MAP2K6: variants seen among roughly 807,000 people sequenced by gnomAD.
MAP2K6 encodes mitogen-activated protein kinase kinase 6.
Under a neutral mutation model 53.7 loss-of-function variants are expected in MAP2K6, and 16 were observed. The observed-to-expected ratio is 0.30, with a 90% confidence interval of 0.20 to 0.45. MAP2K6 has a LOEUF of 0.45. Among genes scored for constraint, MAP2K6 ranks in the 20% least tolerant of loss-of-function variants. The probability of loss-of-function intolerance (pLI) is 1.00; values close to 1 mark genes in which losing one functional copy is unlikely to be tolerated. For missense variants in MAP2K6, 204 were observed against 411.9 expected (o/e 0.50, Z 4.37); for synonymous variants, 132 against 143.1 (o/e 0.92, Z 0.55).
chr17:69,516,845 TC>T lies in MAP2K6; in HGVS notation c.84-9del. The T allele has an allele frequency of 6.3e-7, 1 of 1,584,020 alleles. No homozygotes were observed. The highest frequency in any genetic ancestry group is 8.7e-7 in the Non-Finnish European group (1 of 1,155,012). On this transcript the variant is annotated splice_polypyrimidine_tract_variant and intron_variant, in intron 2 of 11. Coordinates refer to ENST00000590474, the MANE Select transcript of MAP2K6 (RefSeq NM_002758.4). ...CTTATGTTTCTTCTTTTCCCCCTTA[TC>T]TTTCTTAGACCACCTCGAGATTTAG... is the stretch of plus-strand genomic sequence containing the variant.
chr17:69,474,450 C>T (rs145235644), intron 1 of MAP2K6, among the ~76,000 whole-genome samples: 313 of 152,312 alleles, frequency 2.1e-3, no homozygotes, highest in Middle Eastern at 0.02. Context: ...GTAAAATCTT[C>T]TAGATTCCAT....
chr17:69,535,922 C>A, intron 10 of MAP2K6, 193 bp from the exon 11 acceptor site: 2 of 519,492 alleles, frequency 3.8e-6, no homozygotes, highest in South Asian at 4.2e-5. Flanking sequence ...CTATTTTTCC[C>A]ATTAAGGCAC....
chr17:69,429,883 AAG>A, intron 1 of MAP2K6, among the ~76,000 whole-genome samples: 1 of 152,156 alleles, frequency 6.6e-6, no homozygotes, highest in East Asian at 1.9e-4. Flanking sequence ...CAGGAAGGTG[AAG>A]CTGGGGTGTG....
At position 69,464,596 on chromosome 17, in the gene MAP2K6, G is replaced by T. The variant is rs181540300; in HGVS notation, c.17-41184G>T. On this transcript the variant is annotated intron_variant, in intron 1 of 11. Coordinates refer to ENST00000590474, the MANE Select transcript of MAP2K6 (RefSeq NM_002758.4). ...GAGGTTTCACTATGTTGCCCAAGCT[G>T]GTCTCAAACTCCTGACCTCAAGTGA... 1.1e-4 allele frequency among the ~76,000 whole-genome samples: 17 copies of T among 152,200 alleles called. No individual in the cohort carries two copies. In the East Asian group the frequency reaches 3.3e-3, roughly 29 times the overall value.
At chr17:69,524,847 A>C (rs1331871732) in intron 8 of MAP2K6, 54 bp from the exon 9 acceptor site, 12 of 1,376,086 alleles carry the variant, frequency 8.7e-6, no homozygotes, top group South Asian at 8.2e-5. Context: ...TATTGAGCTA[A>C]GAACGTTATC....
chr17:69,457,333 T>C (rs7213686), intron 1 of MAP2K6, among the ~76,000 whole-genome samples: 36,220 of 152,206 alleles, frequency 0.24, 4,489 homozygotes, highest in Middle Eastern at 0.29. Flanking sequence ...GTTTATCCCC[T>C]AGGTTGAGTG....
At chr17:69,480,242 C>G (rs562506007) in intron 1 of MAP2K6, among the ~76,000 whole-genome samples, 1 of 152,268 alleles carries the variant, frequency 6.6e-6, no homozygotes, top group East Asian at 1.9e-4. Flanking sequence ...CTTTAACTTT[C>G]GTTCCCCAGC....
intron 1 of MAP2K6, among the ~76,000 whole-genome samples, chr17:69,456,778 T>C (rs1197831548): frequency 1.3e-5 from 2 of 152,178 alleles, no homozygotes; most frequent in African/African-American, 2.4e-5. Context: ...ATGAGTACTC[T>C]TACCCCACCT....
At chr17:69,531,968 C>T (rs903317247) in intron 10 of MAP2K6, among the ~76,000 whole-genome samples, 2 of 152,186 alleles carry the variant, frequency 1.3e-5, no homozygotes, top group African/African-American at 4.8e-5. Context: ...TCATTATAAA[C>T]TCTTCCTATA....
intron 2 of MAP2K6, among the ~76,000 whole-genome samples, chr17:69,512,131 C>A (rs908511652): frequency 1.3e-5 from 2 of 151,772 alleles, no homozygotes; most frequent in African/African-American, 2.4e-5. Context: ...CACAGCTTCT[C>A]GGTGGAAGAA....
chr17:69,467,677 G>A (rs117350049), intron 1 of MAP2K6, among the ~76,000 whole-genome samples: 1 of 152,248 alleles, frequency 6.6e-6, no homozygotes, highest in East Asian at 1.9e-4. Flanking sequence ...ACATATCTAT[G>A]TATAACAGTA....
intron 11 of MAP2K6, among the ~76,000 whole-genome samples, chr17:69,537,634 C>T (rs1911421214): frequency 6.6e-6 from 1 of 152,218 alleles, no homozygotes; most frequent in African/African-American, 2.4e-5. Flanking sequence ...TAGGTTTTCA[C>T]TTCTGTTGCC....
Position 69,548,917 on chromosome 17 carries a change from A to C in MAP2K6, c.*7164A>C, listed in dbSNP as rs904406039. The C allele has an allele frequency of 6.6e-6, 1 of 152,200 alleles. No homozygotes were observed. The highest frequency in any genetic ancestry group is 1.9e-4 in the East Asian group (1 of 5,198). The allele number at this position is 152,200 out of a possible 1,614,324, so 9.4% of individuals were successfully genotyped here. A position where few individuals can be genotyped will look rare whatever the true frequency, so the allele number is the denominator to read the frequency against. ...AAACTCCTCTGAAAGCCTCTTTGCT[A>C]TAGAGGTGATGAAGGCACTTGCTAG... On this transcript the variant is annotated 3_prime_UTR_variant, in exon 12 of 12. Coordinates refer to ENST00000590474, the MANE Select transcript of MAP2K6 (RefSeq NM_002758.4).
intron 1 of MAP2K6, among the ~76,000 whole-genome samples, chr17:69,488,721 G>A (rs532107017): frequency 6.6e-5 from 10 of 152,040 alleles, no homozygotes; most frequent in Non-Finnish European, 1.2e-4. Context: ...TTCGGTACTC[G>A]TGGACATAAA....
At chr17:69,479,972 G>A (rs1260068863) in intron 1 of MAP2K6, among the ~76,000 whole-genome samples, 2 of 152,140 alleles carry the variant, frequency 1.3e-5, no homozygotes, top group East Asian at 3.8e-4. Flanking sequence ...CTGACCTCAA[G>A]TGATCCACCC....
chr17:69,416,746 G>A (rs1486207854), intron 1 of MAP2K6, among the ~76,000 whole-genome samples: 1 of 152,202 alleles, frequency 6.6e-6, no homozygotes, highest in Non-Finnish European at 1.5e-5. Flanking sequence ...GACAGGTATT[G>A]AAGAGAAATG....
In MAP2K6 at chr17:69,552,450, CTCT is replaced by C. The variant is rs1598331053; in HGVS notation, c.*10702_*10704del. Reference sequence around the variant, plus strand: ...TGCAGCTTTTTCTGGTTGGAATCATCTCTTCTTTACGGATTGCCGCATTGTCTC... The same window carrying C: ...TGCAGCTTTTTCTGGTTGGAATCATCTCTTTACGGATTGCCGCATTGTCTC... On this transcript the variant is annotated 3_prime_UTR_variant, in exon 12 of 12. Transcript: ENST00000590474. The C allele has an allele frequency of 1.3e-5, 2 of 152,250 alleles. No individual in the cohort carries two copies. Among genetic ancestry groups the C allele is most frequent in the East Asian group, 3.8e-4 (2 of 5,206 alleles). The allele number at this position is 152,250 out of a possible 1,614,324, so 9.4% of individuals were successfully genotyped here. A position where few individuals can be genotyped will look rare whatever the true frequency, so the allele number is the denominator to read the frequency against.
At chr17:69,422,585 G>A (rs946548883) in intron 1 of MAP2K6, among the ~76,000 whole-genome samples, 3 of 152,142 alleles carry the variant, frequency 2.0e-5, no homozygotes, top group South Asian at 4.1e-4. Flanking sequence ...TTAGCCCCAG[G>A]TGGAGCTGCT....
intron 1 of MAP2K6, among the ~76,000 whole-genome samples, chr17:69,428,845 T>G (rs1245999184): frequency 3.4e-5 from 5 of 145,240 alleles, no homozygotes; most frequent in African/African-American, 1.3e-4. Flanking sequence ...TACCTGCCCT[T>G]TCTTCTGTTT....
Sources: gnomAD v4.1 joint callset for allele counts (sites outside exome capture counted in the v4.1 genomes callset) on GRCh38, gnomAD v4.1.1 for gene constraint, MANE v1.5 for transcripts, NCBI Gene and HGNC (gene_info 2026-07-23, HGNC 2026-07-21) for gene names.